GUSB: variants seen among roughly 807,000 people sequenced by gnomAD.
The protein encoded by GUSB is beta-glucuronidase.
A neutral mutation model predicts 74.6 loss-of-function variants in GUSB; 51 were observed. The ratio of observed to expected loss-of-function variants is 0.68; its 90% CI spans 0.55 to 0.86. The LOEUF (loss-of-function observed/expected upper bound fraction) is 0.86, where lower values mean the gene tolerates loss of function less well. GUSB is among the 40% of genes least tolerant of loss of function. The pLI is 0.00. For synonymous variants in GUSB, 360 were observed against 348.3 expected (o/e 1.03, Z -0.37); for missense variants, 736 against 853.7 (o/e 0.86, Z 1.72).
rs750022485 is a variant in GUSB at position 65,961,067 on chromosome 7, CAAA to C, written c.1790-7_1790-5del. ...TTCCCCAGCACTCTCGTCGGTGCTACAAAAAAAAAAAAAAGACACAAAGCGATT... is the reference window on the plus strand; with the variant it reads ...TTCCCCAGCACTCTCGTCGGTGCTACAAAAAAAAAAAGACACAAAGCGATT... On this transcript the variant is annotated splice_polypyrimidine_tract_variant and splice_region_variant and intron_variant, in intron 11 of 11. Coordinates refer to ENST00000304895, the MANE Select transcript of GUSB (RefSeq NM_000181.4). 1.3e-4 allele frequency: 182 copies of C among 1,449,804 alleles called. No homozygotes were observed. Among genetic ancestry groups the C allele is most frequent in the Non-Finnish European group, 1.4e-4 (144 of 1,063,734 alleles). The allele number at this position is 1,449,804 out of a possible 1,614,324, so 89.8% of individuals were successfully genotyped here.
In GUSB at chr7:65,980,698, G is replaced by A. The variant is rs1029083611; in HGVS notation, c.211-289C>T. On this transcript the variant is annotated intron_variant, in intron 1 of 11. Coordinates refer to ENST00000304895, the MANE Select transcript of GUSB (RefSeq NM_000181.4). ...CAGAGGCAAGAAGGTTCAGACCTGT[G>A]ACTAAGAGGCAGATGGCCACTGCCT... The A allele has an allele frequency of 1.7e-5, 8 of 471,054 alleles. No individual in the cohort carries two copies. In the East Asian group the frequency reaches 3.4e-4, roughly 20 times the overall value. 29.2% of individuals were successfully genotyped at this position (471,054 alleles called of 1,614,324 possible).
chr7:65,979,993 A>C, intron 2 of GUSB, 82 bp from the exon 3 acceptor site: 2 of 1,193,850 alleles, frequency 1.7e-6, no homozygotes, highest in Non-Finnish European at 2.4e-6. Flanking sequence ...CCCTCACATA[A>C]CCTGCAGCAT....
intron 2 of GUSB, 109 bp downstream of exon 2, chr7:65,980,115 C>T: frequency 8.6e-7 from 1 of 1,161,920 alleles, no homozygotes; most frequent in Non-Finnish European, 1.3e-6. Flanking sequence ...AGGGCAGGAC[C>T]CCCCACCATC....
chr7:65,965,372 C>A (rs902427674), intron 10 of GUSB, among the ~76,000 whole-genome samples: 2 of 152,070 alleles, frequency 1.3e-5, no homozygotes, highest in Admixed American at 6.6e-5. Context: ...TGCACTCCAG[C>A]CTGGGCAACA....
chr7:65,968,867 G>GT (rs1038096507), intron 9 of GUSB, among the ~76,000 whole-genome samples: 3 of 152,276 alleles, frequency 2.0e-5, no homozygotes, highest in African/African-American at 7.2e-5. Context: ...GATGATAGGT[G>GT]TAAGCCACCA....
chr7:65,973,828 G>A (rs1791377829), intron 8 of GUSB, among the ~76,000 whole-genome samples: 1 of 152,130 alleles, frequency 6.6e-6, no homozygotes, highest in Admixed American at 6.6e-5. Flanking sequence ...CTACTTGGGA[G>A]GCTGAGACAG....
chr7:65,974,390 T>G lies in GUSB; in HGVS notation c.1296A>C (p.Glu432Asp), dbSNP rs1413247639. The G allele has an allele frequency of 6.2e-7, 1 of 1,614,194 alleles. No homozygotes were observed. Among genetic ancestry groups the G allele is most frequent in the East Asian group, 2.2e-5 (1 of 44,876 alleles). Residue 432 changes from glutamate (E) to aspartate (D), a missense_variant, in exon 8 of 12, where the codon GAA (glutamate) becomes GAC (aspartate). Around this residue, in one of 2 missense-constraint regions of GUSB, gnomAD observed 368 missense variants for 489.9 expected, o/e 0.75. Coordinates refer to ENST00000304895, the MANE Select transcript of GUSB (RefSeq NM_000181.4). ...GGTGGTTCTTGTCCCTACGCACCAC[T>G]TCTTCCATCACCTGCATGTGGTGAT... The part of the protein sequence containing the change: ...SLHHHMQVME[E>D]VVRRDKNHPA...
At chr7:65,975,587 G>T (rs1791514906) in intron 5 of GUSB, 1 of 223,580 alleles carries the variant, frequency 4.5e-6, no homozygotes, top group South Asian at 6.3e-5. Context: ...GTTTCACCAT[G>T]TTGGCCAGGC....
chr7:65,976,572 G>A (rs1283029652), intron 4 of GUSB, among the ~76,000 whole-genome samples: 14 of 151,710 alleles, frequency 9.2e-5, no homozygotes, highest in South Asian at 4.2e-4. Context: ...TGATCCACCC[G>A]CCTTGGCCTC....
At chr7:65,978,733 T>C (rs1287251681) in intron 4 of GUSB, among the ~76,000 whole-genome samples, 3 of 146,618 alleles carry the variant, frequency 2.0e-5, no homozygotes, top group Non-Finnish European at 4.5e-5. Flanking sequence ...GATCACGCCA[T>C]CGCACTCCAG....
At position 65,979,415 on chromosome 7, in the gene GUSB, G is replaced by A. The variant is rs777822251; in HGVS notation, c.708C>T (p.Ser236=). 1.4e-5 allele frequency: 23 copies of A among 1,613,672 alleles called. No individual in the cohort carries two copies. The highest frequency in any genetic ancestry group is 3.3e-5 in the Admixed American group (2 of 59,992). ...AGCCCTCACCACTGTCTTGCTCCAC[G>A]CTGGTGGTGACGGTGATGTCATCGA... ...TYIDDITVTT[S]VEQDSGLVNY... The change falls in exon 4 of 12, where the codon AGC becomes AGT. Residue 236 remains serine (S), a synonymous_variant. Coordinates refer to ENST00000304895, the MANE Select transcript of GUSB (RefSeq NM_000181.4).
chr7:65,980,641 A>C (rs1349972790), intron 1 of GUSB: 1 of 563,392 alleles, frequency 1.8e-6, no homozygotes, highest in Non-Finnish European at 3.2e-6. Context: ...ATATCTCCTG[A>C]GACAGGAGCA....
At chr7:65,975,958 A>G in intron 5 of GUSB, 57 bp downstream of exon 5, 2 of 1,470,658 alleles carry the variant, frequency 1.4e-6, no homozygotes, top group Non-Finnish European at 9.4e-7. Context: ...TGCTGAAGCC[A>G]GGGTCACCAC....
intron 1 of GUSB, among the ~76,000 whole-genome samples, chr7:65,981,083 C>T (rs547130670): frequency 2.0e-5 from 3 of 152,122 alleles, no homozygotes; most frequent in South Asian, 4.1e-4. Context: ...CAGTGCATGC[C>T]GCTGTGGCCA....
At chr7:65,978,967 A>AT (rs1249175317) in intron 4 of GUSB, among the ~76,000 whole-genome samples, 6 of 151,746 alleles carry the variant, frequency 4.0e-5, no homozygotes, top group African/African-American at 1.5e-4. Context: ...TGGCCTCACT[A>AT]TGTTGCCCAG....
At chr7:65,971,278 T>G (rs143825655) in intron 8 of GUSB, among the ~76,000 whole-genome samples, 2 of 152,198 alleles carry the variant, frequency 1.3e-5, no homozygotes, top group African/African-American at 4.8e-5. Flanking sequence ...AGTCCACAGG[T>G]CCTGGGCAGT....
chr7:65,977,393 C>A (rs1324867020), intron 4 of GUSB, among the ~76,000 whole-genome samples: 1 of 152,156 alleles, frequency 6.6e-6, no homozygotes, highest in Admixed American at 6.6e-5. Context: ...CCACCCATCT[C>A]GGCCTCCAAA....
intron 10 of GUSB, 67 bp downstream of exon 10, chr7:65,967,664 G>C (rs1476012985): frequency 3.0e-6 from 4 of 1,321,692 alleles, no homozygotes; most frequent in African/African-American, 2.9e-5. Flanking sequence ...CGCAGGTCAG[G>C]CTGGAGGAGG....
rs1397548041 is a variant in GUSB at position 65,982,192 on chromosome 7, G to C, written c.-9C>G. 5.3e-6 allele frequency: 8 copies of C among 1,503,482 alleles called. No individual in the cohort carries two copies. Among genetic ancestry groups the C allele is most frequent in the East Asian group, 2.6e-5 (1 of 38,124 alleles). The allele number at this position is 1,503,482 out of a possible 1,614,324, so 93.1% of individuals were successfully genotyped here. A position where few individuals can be genotyped will look rare whatever the true frequency, so the allele number is the denominator to read the frequency against. On this transcript the variant is annotated 5_prime_UTR_variant, in exon 1 of 12. Transcript: ENST00000304895. ...GCCGACCCCCGGGCCATGCTTCCCG[G>C]TCCCCCGCTCGGCCACCGTCTGCGG... is the stretch of plus-strand genomic sequence containing the variant.
Sources: allele counts gnomAD v4.1 joint callset (sites outside exome capture counted in the v4.1 genomes callset), GRCh38; gene constraint gnomAD v4.1.1; regional missense constraint gnomAD v4.1.1; transcripts MANE v1.5; gene names NCBI Gene and HGNC (gene_info 2026-07-23, HGNC 2026-07-21).